CTSH: variants seen among roughly 807,000 people sequenced by gnomAD.
CTSH encodes pro-cathepsin H.
In CTSH, 52 loss-of-function variants were observed where a neutral mutation model predicts 56.3. That is an observed-to-expected ratio of 0.92 (90% confidence interval 0.74 to 1.16). CTSH has a LOEUF of 1.16. Ranked by LOEUF, CTSH falls within the 50% of genes most tolerant of loss-of-function variation. CTSH has a pLI of 0.00. For missense variants in CTSH, 406 were observed against 424.5 expected, an observed-to-expected ratio of 0.96 and a Z score of 0.38; for synonymous variants, 174 against 155.7, an observed-to-expected ratio of 1.12 and a Z score of -0.88.
At chr15:78,940,177 C>T (rs2055258810) in intron 1 of CTSH, among the ~76,000 whole-genome samples, 1 of 106,426 alleles carries the variant, frequency 9.4e-6, no homozygotes, top group Non-Finnish European at 2.7e-5. Context: ...CAAAAGCAGG[C>T]CAGCCATTTG....
intron 6 of CTSH, 21 bp from the exon 7 acceptor site, chr15:78,931,527 A>T (rs1259554728): frequency 6.2e-7 from 1 of 1,614,226 alleles, no homozygotes; most frequent in Non-Finnish European, 8.5e-7. Context: ...GACACAACCC[A>T]GTGACCTGCC....
chr15:78,922,455 G>GC (rs2054792442), intron 11 of CTSH, among the ~76,000 whole-genome samples: 2 of 152,224 alleles, frequency 1.3e-5, no homozygotes, highest in South Asian at 2.1e-4. Flanking sequence ...TTTACCGAGG[G>GC]CCCCCTCTTA....
At chr15:78,924,226 T>A (rs992687881) in intron 10 of CTSH, among the ~76,000 whole-genome samples, 1 of 148,422 alleles carries the variant, frequency 6.7e-6, no homozygotes, top group Non-Finnish European at 1.5e-5. Context: ...CGGGGACGGG[T>A]TTGATGGCAG....
rs1356479579 is a variant in CTSH, at chr15:78,931,441, A to G, written c.548+10T>C. 6.2e-7 allele frequency: 1 copy of G among 1,614,222 alleles called. No individual in the cohort carries two copies. The highest frequency in any genetic ancestry group is 8.5e-7 in the Non-Finnish European group (1 of 1,180,038). ...AGGAAGTTTTGGGCCCCTTCTGGTC[A>G]GAGACGTACCCTTGGCAGCCGTGAT... On this transcript the variant is annotated intron_variant, in intron 7 of 11. Coordinates refer to ENST00000220166, the MANE Select transcript of CTSH (RefSeq NM_004390.5).
At chr15:78,923,929 G>C (rs572043952) in intron 10 of CTSH, among the ~76,000 whole-genome samples, 1 of 152,146 alleles carries the variant, frequency 6.6e-6, no homozygotes, top group Admixed American at 6.5e-5. Flanking sequence ...CCATAGGCTC[G>C]CGCCAGGGCC....
At chr15:78,943,054 G>T (rs1012750688) in intron 1 of CTSH, among the ~76,000 whole-genome samples, 4 of 152,192 alleles carry the variant, frequency 2.6e-5, no homozygotes, top group Non-Finnish European at 4.4e-5. Context: ...CTCAGGACAA[G>T]AGTTGGAGGC....
chr15:78,922,105 C>T lies in CTSH; in HGVS notation c.*25G>A, dbSNP rs1214407853. The T allele has an allele frequency of 1.3e-6, 2 of 1,551,138 alleles. No homozygotes were observed. The highest frequency in any genetic ancestry group is 2.3e-4 in the Middle Eastern group (1 of 4,434). ...GCTGCCCGTTCCTCTCCTTCTCCGC[C>T]AGTCTGCGCTGCGGCTGCCACGGCT... is the stretch of plus-strand genomic sequence containing the variant. On this transcript the variant is annotated 3_prime_UTR_variant, in exon 12 of 12. Coordinates refer to ENST00000220166, the MANE Select transcript of CTSH (RefSeq NM_004390.5).
chr15:78,924,437 CAGGG>C (rs141354559), intron 10 of CTSH, among the ~76,000 whole-genome samples: 1,630 of 152,078 alleles, frequency 0.011, 109 homozygotes, highest in Admixed American at 0.088. Context: ...GGCAGAGCCT[CAGGG>C]AGGGAGAGGA....
Position 78,932,344 on chromosome 15 carries a change from A to G in CTSH, c.492+28T>C, listed in dbSNP as rs1460603504. The stretch of plus-strand genomic sequence containing the variant: ...CACATCAGGATGGGGTGTCCTCCGC[A>G]GGGGGTCGCCTGTGGCTGATTTCTT... On this transcript the variant is annotated intron_variant, in intron 6 of 11. Coordinates refer to ENST00000220166, the MANE Select transcript of CTSH (RefSeq NM_004390.5). 6 of 1,604,344 alleles carry G rather than the reference A, an allele frequency of 3.7e-6. No individual in the cohort carries two copies. In the East Asian group the frequency reaches 1.3e-4, roughly 36 times the overall value.
At chr15:78,922,475 G>A (rs1040178761) in intron 11 of CTSH, among the ~76,000 whole-genome samples, 10 of 151,992 alleles carry the variant, frequency 6.6e-5, no homozygotes, top group Admixed American at 3.3e-4. Flanking sequence ...AGCCCTGGCC[G>A]GGCCCTCACA....
chr15:78,929,265 G>C, intron 8 of CTSH, 147 bp downstream of exon 8: 1 of 693,640 alleles, frequency 1.4e-6, no homozygotes, highest in Non-Finnish European at 2.6e-6. Flanking sequence ...TGGAGGAGGG[G>C]AAGGAAGAAT....
chr15:78,931,456 G>A lies in CTSH; in HGVS notation c.543C>T (p.Cys181=). ...DCAQDFNNHG[C]QGGLPSQAFE... ...CCTTCTGGTCAGAGACGTACCCTTG[G>A]CAGCCGTGATTATTGAAGTCCTGGG... is the stretch of plus-strand genomic sequence containing the variant. The change falls in exon 7 of 12, where the codon TGC becomes TGT. Residue 181 remains cysteine (C), a synonymous_variant. Coordinates refer to ENST00000220166, the MANE Select transcript of CTSH (RefSeq NM_004390.5). The A allele has an allele frequency of 1.2e-6, 2 of 1,614,192 alleles. No homozygotes were observed. The highest frequency in any genetic ancestry group is 1.7e-6 in the Non-Finnish European group (2 of 1,180,034).
intron 7 of CTSH, among the ~76,000 whole-genome samples, chr15:78,930,549 TAAATA>T (rs1794902784): frequency 6.6e-6 from 1 of 150,482 alleles, no homozygotes; most frequent in African/African-American, 2.5e-5. Context: ...AATAAATAAA[TAAATA>T]AATAAATAAA....
chr15:78,925,397 G>C lies in CTSH; in HGVS notation c.743C>G (p.Pro248Arg). Reference protein sequence around the residue: ...AMVEAVALYNPVSFAFEVTQD... With the variant: ...AMVEAVALYNRVSFAFEVTQD... The stretch of plus-strand genomic sequence containing the variant: ...AGTCACCTCAAAGGCAAAGCTCACA[G>C]GGTTGTAGAGGGCCACAGCCTCCAC... The change falls in exon 10 of 12, where the codon CCT becomes CGT. Residue 248 changes from proline (P) to arginine (R), a missense_variant. Coordinates refer to ENST00000220166, the MANE Select transcript of CTSH (RefSeq NM_004390.5). 2 of 1,613,966 alleles carry C rather than the reference G, an allele frequency of 1.2e-6. No individual in the cohort carries two copies. The highest frequency in any genetic ancestry group is 1.7e-6 in the Non-Finnish European group (2 of 1,179,872).
intron 1 of CTSH, among the ~76,000 whole-genome samples, chr15:78,941,043 G>A (rs565167251): frequency 1.3e-5 from 2 of 152,240 alleles, no homozygotes; most frequent in African/African-American, 4.8e-5. Context: ...ATCCCCACCT[G>A]GCAGAATTTT....
At chr15:78,924,444 GGAGA>G (rs1366752070) in intron 10 of CTSH, among the ~76,000 whole-genome samples, 1 of 151,638 alleles carries the variant, frequency 6.6e-6, no homozygotes, top group African/African-American at 2.4e-5. Flanking sequence ...CCTCAGGGAG[GGAGA>G]GGAGAGCACA....
rs577552573 is a variant in CTSH, at chr15:78,933,639, C to T, written c.406-1181G>A. 1.6e-4 allele frequency: 65 copies of T among 405,226 alleles called. 1 individual carries two copies. Among genetic ancestry groups the T allele is most frequent in the South Asian group, 1.0e-3 (59 of 56,212 alleles). The allele number at this position is 405,226 out of a possible 1,614,324, so 25.1% of individuals were successfully genotyped here. On this transcript the variant is annotated intron_variant, in intron 5 of 11. Transcript: ENST00000220166. Reference sequence around the variant, plus strand: ...CGTGGCCACTTCGGGGGAGACTAAGCTCACTGCTGAAGGAGGCGGAGCTCG... The same window carrying T: ...CGTGGCCACTTCGGGGGAGACTAAGTTCACTGCTGAAGGAGGCGGAGCTCG...
At chr15:78,927,538 C>A in intron 9 of CTSH, 175 bp downstream of exon 9, 1 of 609,004 alleles carries the variant, frequency 1.6e-6, no homozygotes, top group Non-Finnish European at 2.9e-6. Flanking sequence ...CGCTCTCCCT[C>A]CCATCTCCTG....
intron 11 of CTSH, among the ~76,000 whole-genome samples, 181 bp downstream of exon 11, chr15:78,922,812 A>G (rs975821410): frequency 1.3e-5 from 2 of 152,156 alleles, no homozygotes; most frequent in African/African-American, 2.4e-5. Flanking sequence ...GAGGGCTGCA[A>G]ATGGGGGCTT....
Sources: gnomAD v4.1 joint callset for allele counts (sites outside exome capture counted in the v4.1 genomes callset) on GRCh38, gnomAD v4.1.1 for gene constraint, MANE v1.5 for transcripts, NCBI Gene and HGNC (gene_info 2026-07-23, HGNC 2026-07-21) for gene names.